Variants in DPP10 observed in about 807,000 individuals in gnomAD.
DPP10 encodes the protein inactive dipeptidyl peptidase 10.
In DPP10, 33 loss-of-function variants were observed where a neutral mutation model predicts 120.9. The observed-to-expected ratio is 0.27, with a 90% CI of 0.21 to 0.37. The LOEUF is 0.37. DPP10 is among the 10% of genes least tolerant of loss of function. DPP10 has a pLI of 1.00. For synonymous variants in DPP10, 337 were observed against 326.1 expected (o/e 1.03, Z -0.36); for missense variants, 816 against 942.8 (o/e 0.87, Z 1.76).
At chr2:115,191,035 A>G (rs761932478) in intron 1 of DPP10, among the ~76,000 whole-genome samples, 2 of 152,162 alleles carry the variant, frequency 1.3e-5, no homozygotes, top group Non-Finnish European at 2.9e-5. Context: ...AGCACATTTC[A>G]AAGGATCCTA....
At chr2:114,572,142 C>T (rs1461732445) in intron 1 of DPP10, among the ~76,000 whole-genome samples, 2 of 151,824 alleles carry the variant, frequency 1.3e-5, no homozygotes, top group Admixed American at 6.6e-5. Context: ...AAATAAACAT[C>T]ATGAAAGGGC....
intron 1 of DPP10, among the ~76,000 whole-genome samples, chr2:115,167,566 C>T (rs1183978925): frequency 1.4e-5 from 2 of 145,456 alleles, no homozygotes; most frequent in African/African-American, 2.6e-5. Context: ...GAGATTGTGC[C>T]ACTGCACTCT....
At chr2:114,518,483 T>C (rs531924740) in intron 1 of DPP10, among the ~76,000 whole-genome samples, 1 of 152,172 alleles carries the variant, frequency 6.6e-6, no homozygotes, top group Non-Finnish European at 1.5e-5. Flanking sequence ...TATTTTCAGG[T>C]AGTGATTAAG....
At chr2:115,629,656 G>A (rs1031269359) in intron 5 of DPP10, among the ~76,000 whole-genome samples, 1 of 152,148 alleles carries the variant, frequency 6.6e-6, no homozygotes, top group African/African-American at 2.4e-5. Context: ...TTATTAAATA[G>A]GGAATCCTTT....
intron 1 of DPP10, among the ~76,000 whole-genome samples, chr2:115,170,087 T>TTAA (rs1252278309): frequency 2.0e-5 from 3 of 152,198 alleles, no homozygotes; most frequent in African/African-American, 7.2e-5. Flanking sequence ...TGAAGTTGCA[T>TTAA]TAATAATGCT....
At chr2:115,429,026 G>C (rs761238051) in intron 3 of DPP10, among the ~76,000 whole-genome samples, 4 of 151,576 alleles carry the variant, frequency 2.6e-5, no homozygotes, top group African/African-American at 4.9e-5. Context: ...GAAAAGTAAA[G>C]GGAAAAGCAA....
At chr2:115,106,363 G>C (rs2048943907) in intron 1 of DPP10, among the ~76,000 whole-genome samples, 1 of 152,194 alleles carries the variant, frequency 6.6e-6, no homozygotes, top group African/African-American at 2.4e-5. Context: ...CACCCCAAGA[G>C]AAAACTTTAT....
intron 3 of DPP10, among the ~76,000 whole-genome samples, chr2:115,488,874 G>T (rs1293122022): frequency 1.5e-4 from 6 of 39,304 alleles, no homozygotes; most frequent in Non-Finnish European, 2.7e-4. Flanking sequence ...AAAACTTAGA[G>T]TATAATAAAA....
At chr2:114,892,377 G>A (rs1692613944) in intron 1 of DPP10, among the ~76,000 whole-genome samples, 1 of 152,104 alleles carries the variant, frequency 6.6e-6, no homozygotes, top group Non-Finnish European at 1.5e-5. Context: ...AATTTCCTTG[G>A]AGAAGCACTC....
At chr2:115,168,748 G>A (rs148043581) in intron 1 of DPP10, among the ~76,000 whole-genome samples, 3,089 of 152,190 alleles carry the variant, frequency 0.02, 40 homozygotes, top group Non-Finnish European at 0.032. Flanking sequence ...AGGTTCGGTG[G>A]GGAGACTGGG....
intron 7 of DPP10, among the ~76,000 whole-genome samples, chr2:115,715,915 A>T (rs1323711898): frequency 2.0e-5 from 3 of 152,220 alleles, no homozygotes; most frequent in Non-Finnish European, 4.4e-5. Flanking sequence ...TGACCAAGGT[A>T]TCTTTTCTGT....
intron 4 of DPP10, among the ~76,000 whole-genome samples, chr2:115,510,521 G>A (rs1189370478): frequency 2.0e-5 from 3 of 151,930 alleles, no homozygotes; most frequent in Non-Finnish European, 1.5e-5. Context: ...TTTATCCTTA[G>A]GCCAGAAGTT....
intron 3 of DPP10, among the ~76,000 whole-genome samples, chr2:115,424,059 G>C (rs962206328): frequency 2.0e-5 from 3 of 152,034 alleles, no homozygotes; most frequent in Non-Finnish European, 2.9e-5. Context: ...CACAGTCTCT[G>C]TTGGACTCTA....
intron 5 of DPP10, among the ~76,000 whole-genome samples, chr2:115,554,237 G>A (rs1391021393): frequency 6.6e-6 from 1 of 151,714 alleles, no homozygotes; most frequent in Non-Finnish European, 1.5e-5. Context: ...AAAATGGGAT[G>A]CAAATCACAG....
chr2:114,573,323 T>A (rs1214788190), intron 1 of DPP10, among the ~76,000 whole-genome samples: 1 of 151,828 alleles, frequency 6.6e-6, no homozygotes, highest in Admixed American at 6.6e-5. Context: ...TGAGAAAAAA[T>A]AAATAAATGA....
intron 3 of DPP10, among the ~76,000 whole-genome samples, chr2:115,447,317 T>A (rs1280272976): frequency 6.6e-6 from 1 of 152,206 alleles, no homozygotes; most frequent in African/African-American, 2.4e-5. Flanking sequence ...TGATTTTACA[T>A]GCTCATAGGC....
chr2:114,783,077 G>C (rs1682469633), intron 1 of DPP10, among the ~76,000 whole-genome samples: 1 of 151,984 alleles, frequency 6.6e-6, no homozygotes, highest in Non-Finnish European at 1.5e-5. Context: ...TCTGAACAAA[G>C]TCATTAAAAT....
intron 1 of DPP10, among the ~76,000 whole-genome samples, chr2:114,661,445 C>A (rs1697396548): frequency 6.6e-6 from 1 of 152,126 alleles, no homozygotes; most frequent in Non-Finnish European, 1.5e-5. Context: ...TGGGAAAGAA[C>A]CTAAATTTTG....
intron 16 of DPP10, among the ~76,000 whole-genome samples, 168 bp downstream of exon 16, chr2:115,781,163 A>G (rs1031881736): frequency 5.9e-5 from 9 of 151,770 alleles, no homozygotes; most frequent in Non-Finnish European, 1.0e-4. Context: ...AATTTTTTAC[A>G]TATTTTGTAT....
Sources: allele counts gnomAD v4.1 joint callset (sites outside exome capture counted in the v4.1 genomes callset), GRCh38; gene constraint gnomAD v4.1.1; transcripts MANE v1.5; gene names NCBI Gene and HGNC (gene_info 2026-07-23, HGNC 2026-07-21).